The following FHOD3 variants were observed in gnomAD, a reference collection of about 807,000 sequenced individuals.
FHOD3 encodes the protein formin homology 2 domain containing 3, also known as FH1/FH2 domain-containing protein 3.
A neutral mutation model predicts 173.0 loss-of-function variants in FHOD3; 90 were observed. The ratio of observed to expected loss-of-function variants is 0.52; its 90% confidence interval spans 0.44 to 0.62. FHOD3 has a LOEUF of 0.62. FHOD3 is among the 20% of genes least tolerant of loss of function. The probability of loss-of-function intolerance (pLI) is 0.00; values close to 1 mark genes in which losing one functional copy is unlikely to be tolerated. For missense variants in FHOD3, 1,945 were observed against 2,034.7 expected, an observed-to-expected ratio of 0.96 and a Z score of 0.85; for synonymous variants, 828 against 823.0, an observed-to-expected ratio of 1.01 and a Z score of -0.10.
intron 28 of FHOD3, among the ~76,000 whole-genome samples, chr18:36,773,004 C>A (rs920053308): frequency 6.6e-6 from 1 of 152,230 alleles, no homozygotes; most frequent in Admixed American, 6.5e-5. Flanking sequence ...GAACTGAGGT[C>A]TCTTCCCTAA....
intron 1 of FHOD3, among the ~76,000 whole-genome samples, chr18:36,320,189 C>T (rs954680215): frequency 6.6e-6 from 1 of 152,058 alleles, no homozygotes; most frequent in Non-Finnish European, 1.5e-5. Flanking sequence ...ATCAATGAAT[C>T]CAGGAGCTGG....
intron 1 of FHOD3, among the ~76,000 whole-genome samples, chr18:36,346,605 C>T (rs1159040706): frequency 1.3e-5 from 2 of 152,208 alleles, no homozygotes; most frequent in Non-Finnish European, 2.9e-5. Flanking sequence ...TGCCCTCCTT[C>T]CCTATACCAT....
chr18:36,482,583 A>G (rs542018294), intron 3 of FHOD3, among the ~76,000 whole-genome samples: 2 of 152,290 alleles, frequency 1.3e-5, no homozygotes, highest in South Asian at 4.1e-4. Flanking sequence ...GGCTGGCGAC[A>G]GGGTTCTACC....
intron 3 of FHOD3, among the ~76,000 whole-genome samples, chr18:36,490,074 G>C (rs1404137927): frequency 6.6e-6 from 1 of 152,230 alleles, no homozygotes; most frequent in African/African-American, 2.4e-5. Context: ...TCACGGTGCT[G>C]CCTCCTCCGG....
In FHOD3 at chr18:36,410,184, A is replaced by G. The variant is rs57622859; in HGVS notation, c.337+37440A>G. On this transcript the variant is annotated intron_variant, in intron 3 of 28. Coordinates refer to ENST00000590592, the MANE Select transcript of FHOD3 (RefSeq NM_001281740.3). ...CCTAATTTCCCCCCTGCCGTCTCCAATCCCTGGTAACCATGAATCCACTTT... is the reference window on the plus strand; with the variant it reads ...CCTAATTTCCCCCCTGCCGTCTCCAGTCCCTGGTAACCATGAATCCACTTT... Among the ~76,000 whole-genome samples, 1,253 of 152,266 alleles carry G rather than the reference A, an allele frequency of 8.2e-3. 19 individuals carry two copies. Among genetic ancestry groups the G allele is most frequent in the African/African-American group, 0.029 (1,192 of 41,554 alleles).
chr18:36,486,261 T>G (rs1331515012), intron 3 of FHOD3, among the ~76,000 whole-genome samples: 1 of 152,196 alleles, frequency 6.6e-6, no homozygotes, highest in Non-Finnish European at 1.5e-5. Flanking sequence ...GGGGCTACAC[T>G]TGGTGTTCAG....
intron 3 of FHOD3, among the ~76,000 whole-genome samples, chr18:36,408,233 T>C (rs1264063665): frequency 6.6e-6 from 1 of 152,230 alleles, no homozygotes; most frequent in African/African-American, 2.4e-5. Context: ...AAGGCTGAAG[T>C]GTATGCAAGA....
chr18:36,479,493 T>C (rs2053763342), intron 3 of FHOD3, among the ~76,000 whole-genome samples: 1 of 152,172 alleles, frequency 6.6e-6, no homozygotes, highest in Non-Finnish European at 1.5e-5. Flanking sequence ...GTTTACAGCT[T>C]TTGAAAATTT....
chr18:36,589,583 G>T (rs1005428355), intron 6 of FHOD3, among the ~76,000 whole-genome samples: 1 of 152,148 alleles, frequency 6.6e-6, no homozygotes, highest in Non-Finnish European at 1.5e-5. Flanking sequence ...CACTCAAGAC[G>T]CTGTTGAAAG....
chr18:36,596,753 G>A (rs2030503029), intron 7 of FHOD3, among the ~76,000 whole-genome samples: 1 of 152,074 alleles, frequency 6.6e-6, no homozygotes, highest in South Asian at 2.1e-4. Context: ...CTGTGAGTCT[G>A]GAAGGTGTTT....
chr18:36,459,482 T>C (rs929061599), intron 3 of FHOD3, among the ~76,000 whole-genome samples: 14 of 152,088 alleles, frequency 9.2e-5, no homozygotes, highest in African/African-American at 2.7e-4. Context: ...GTAGTTGTTA[T>C]TGGGTCCTCC....
chr18:36,493,978 A>G (rs1056908080), intron 3 of FHOD3, among the ~76,000 whole-genome samples: 14 of 152,164 alleles, frequency 9.2e-5, no homozygotes, highest in Admixed American at 3.9e-4. Context: ...TATAGACCCC[A>G]AAGCGTGATA....
chr18:36,630,158 T>C (rs1295768966), intron 10 of FHOD3, among the ~76,000 whole-genome samples: 1 of 152,206 alleles, frequency 6.6e-6, no homozygotes, highest in Non-Finnish European at 1.5e-5. Flanking sequence ...TCTGTGCACC[T>C]ACCTTAAATA....
At chr18:36,703,679 G>T (rs2039709462) in intron 17 of FHOD3, among the ~76,000 whole-genome samples, 1 of 152,164 alleles carries the variant, frequency 6.6e-6, no homozygotes, top group Admixed American at 6.5e-5. Flanking sequence ...TGGGATTTGG[G>T]AGGGACAAAG....
chr18:36,310,043 C>T (rs925391262), intron 1 of FHOD3, among the ~76,000 whole-genome samples: 3 of 152,152 alleles, frequency 2.0e-5, no homozygotes, highest in East Asian at 1.9e-4. Context: ...TCTGTTGTTC[C>T]GCCTGGCTCC....
intron 1 of FHOD3, among the ~76,000 whole-genome samples, chr18:36,330,849 A>C (rs1188806801): frequency 6.6e-6 from 1 of 151,972 alleles, no homozygotes. Context: ...TGAGTGAGTG[A>C]GTGAGTGAGT....
intron 7 of FHOD3, among the ~76,000 whole-genome samples, chr18:36,599,565 A>G (rs1162235091): frequency 6.6e-6 from 1 of 152,226 alleles, no homozygotes. Flanking sequence ...GACATGGAAC[A>G]TGCTGTGAGG....
chr18:36,550,499 TTTGA>T (rs2057607686), intron 5 of FHOD3, among the ~76,000 whole-genome samples: 1 of 152,000 alleles, frequency 6.6e-6, no homozygotes, highest in Non-Finnish European at 1.5e-5. Context: ...TTGCTTAGAC[TTTGA>T]TTGGGAATGT....
chr18:36,665,641 A>G (rs1037423250), intron 14 of FHOD3, among the ~76,000 whole-genome samples: 1 of 152,206 alleles, frequency 6.6e-6, no homozygotes, highest in Non-Finnish European at 1.5e-5. Context: ...ATCTTTCTTC[A>G]AAACAGGGTT....
Sources: allele counts gnomAD v4.1 joint callset (sites outside exome capture counted in the v4.1 genomes callset), GRCh38; gene constraint gnomAD v4.1.1; transcripts MANE v1.5; gene names NCBI Gene and HGNC (gene_info 2026-07-23, HGNC 2026-07-21).